Variants in PRKCSH observed in about 807,000 individuals in gnomAD.
PRKCSH encodes the protein glucosidase 2 subunit beta.
In PRKCSH, 42 loss-of-function variants were observed where a neutral mutation model predicts 79.7. The ratio of observed to expected loss-of-function variants is 0.53; its 90% CI spans 0.41 to 0.68. The LOEUF is 0.68. Among genes scored for constraint, PRKCSH ranks in the 30% least tolerant of loss-of-function variants. The pLI is 0.00. For synonymous variants in PRKCSH, 325 were observed against 288.2 expected, an observed-to-expected ratio of 1.13 and a Z score of -1.29; for missense variants, 686 against 709.0, an observed-to-expected ratio of 0.97 and a Z score of 0.37.
chr19:11,449,568 A>C lies in PRKCSH; in HGVS notation c.*16+140A>C. The C allele has an allele frequency of 4.2e-6, 5 of 1,186,596 alleles. No homozygotes were observed. The highest frequency in any genetic ancestry group is 5.9e-6 in the Non-Finnish European group (5 of 844,536). 73.5% of individuals were successfully genotyped at this position (1,186,596 alleles called of 1,614,324 possible). A position where few individuals can be genotyped will look rare whatever the true frequency, so the allele number is the denominator to read the frequency against. On this transcript the variant is annotated intron_variant, in intron 17 of 17. Coordinates refer to ENST00000677123, the MANE Select transcript of PRKCSH (RefSeq NM_001289104.2). The surrounding 1 kb of genome is among the most constrained non-coding windows in gnomAD (Gnocchi z 6.4). ...TTTTTGTTTTGTTTTTTTGAGGTGGAGTCTCACTCTTTGGCCCAGGCTGGA... is the reference window on the plus strand; with the variant it reads ...TTTTTGTTTTGTTTTTTTGAGGTGGCGTCTCACTCTTTGGCCCAGGCTGGA...
At chr19:11,441,407 CAT>C (rs748986883) in intron 6 of PRKCSH, 50 bp downstream of exon 6, 1 of 1,564,378 alleles carries the variant, frequency 6.4e-7, no homozygotes, top group South Asian at 1.1e-5. Flanking sequence ...CTTGAGGCCT[CAT>C]AGTGTGGGCT....
At chr19:11,437,033 CTTTGG>C (rs1379269037) in intron 3 of PRKCSH, among the ~76,000 whole-genome samples, 1 of 147,026 alleles carries the variant, frequency 6.8e-6, no homozygotes, top group African/African-American at 2.5e-5. Flanking sequence ...GAGACCGTGT[CTTTGG>C]TTTTGTTTTT....
rs1970525703 is a variant in PRKCSH at position 11,449,980 on chromosome 19, G to T, written c.*16+552G>T. The T allele has an allele frequency of 6.2e-6, 1 of 161,836 alleles. No homozygotes were observed. Among genetic ancestry groups the T allele is most frequent in the South Asian group, 1.6e-4 (1 of 6,130 alleles). 10.0% of individuals were successfully genotyped at this position (161,836 alleles called of 1,614,324 possible). A position where few individuals can be genotyped will look rare whatever the true frequency, so the allele number is the denominator to read the frequency against. On this transcript the variant is annotated intron_variant, in intron 17 of 17. Transcript: ENST00000677123. The surrounding 1 kb of genome is among the most constrained non-coding windows in gnomAD (Gnocchi z 6.4). ...CTGCCTCAGCCTCCTGAGTAATTGG[G>T]ACTACAGGCGCCGCCACCACGCCTG...
Position 11,448,532 on chromosome 19 carries a change from C to T in PRKCSH, c.1197-8C>T. 1.2e-6 allele frequency: 2 copies of T among 1,613,516 alleles called. No homozygotes were observed. Among genetic ancestry groups the T allele is most frequent in the Non-Finnish European group, 1.7e-6 (2 of 1,179,358 alleles). ...GCTGCCCCTTAACCGCTCCGCCTCCCCTTCCAGGAACCTGGAGCAAGAGAT... is the reference window on the plus strand; with the variant it reads ...GCTGCCCCTTAACCGCTCCGCCTCCTCTTCCAGGAACCTGGAGCAAGAGAT... On this transcript the variant is annotated splice_region_variant and splice_polypyrimidine_tract_variant and intron_variant, in intron 13 of 17. Coordinates refer to ENST00000677123, the MANE Select transcript of PRKCSH (RefSeq NM_001289104.2). This position sits in a 1 kb window ranked among gnomAD's most constrained non-coding sequence, Gnocchi z 4.4.
Position 11,436,152 on chromosome 19 carries a change from G to A in PRKCSH, c.35G>A (p.Cys12Tyr). The A allele has an allele frequency of 6.2e-7, 1 of 1,604,604 alleles. No homozygotes were observed. The highest frequency in any genetic ancestry group is 8.5e-7 in the Non-Finnish European group (1 of 1,177,152). The change falls in exon 2 of 18, where the codon TGC becomes TAC. Residue 12 changes from cysteine (C) to tyrosine (Y), a missense_variant. This residue lies in a region of PRKCSH where 549 missense variants were observed against 520.2 expected (regional missense o/e 1.06). Transcript: ENST00000677123. The part of the protein sequence containing the change: ...LLPLLLLLPM[C>Y]WAVEVKRPRG... Reference sequence around the variant, plus strand: ...CCGCTGCTGCTGCTGCTACCCATGTGCTGGGCCGTGGAGGTCAAGAGGCCC... The same window carrying A: ...CCGCTGCTGCTGCTGCTACCCATGTACTGGGCCGTGGAGGTCAAGAGGCCC...
chr19:11,442,999 C>T (rs543679663), intron 7 of PRKCSH, among the ~76,000 whole-genome samples: 22 of 152,258 alleles, frequency 1.4e-4, no homozygotes, highest in African/African-American at 3.8e-4. Flanking sequence ...CCACCTCGCC[C>T]GGCCGCCTAC....
intron 8 of PRKCSH, chr19:11,445,812 T>G: frequency 2.2e-6 from 1 of 464,052 alleles, no homozygotes; most frequent in Non-Finnish European, 4.0e-6. Flanking sequence ...GCTGTGCCTC[T>G]GAGCTTGCTG....
intron 5 of PRKCSH, among the ~76,000 whole-genome samples, chr19:11,438,957 G>C (rs1453993638): frequency 6.6e-6 from 1 of 151,560 alleles, no homozygotes; most frequent in Non-Finnish European, 1.5e-5. Context: ...GCCCAGGCTG[G>C]AGTGCAGTGG....
intron 3 of PRKCSH, 102 bp from the exon 4 acceptor site, chr19:11,437,774 G>C (rs1279710742): frequency 2.0e-6 from 2 of 1,005,628 alleles, no homozygotes; most frequent in African/African-American, 3.2e-5. Flanking sequence ...TTCCTTTCTT[G>C]TGCTGTGTGC....
At chr19:11,437,760 T>TC in intron 3 of PRKCSH, 116 bp from the exon 4 acceptor site, 2 of 944,968 alleles carry the variant, frequency 2.1e-6, no homozygotes, top group Non-Finnish European at 3.5e-6. Flanking sequence ...TCCTTTGGTT[T>TC]CCTTTCCTTT....
At position 11,442,391 on chromosome 19, in the gene PRKCSH, G is replaced by T. The variant is rs1430902539; in HGVS notation, c.474G>T (p.Lys158Asn). Reference protein sequence around the residue: ...WKKAREEKQKKLIELQAGKKS... With the variant: ...WKKAREEKQKNLIELQAGKKS... Reference sequence around the variant, plus strand: ...CTTGCCTTCTGCCCACCCAGAAAAAGCTCATTGAGCTACAGGCTGGGAAGA... The same window carrying T: ...CTTGCCTTCTGCCCACCCAGAAAAATCTCATTGAGCTACAGGCTGGGAAGA... The change falls in exon 7 of 18, where the codon AAG (lysine) becomes AAT (asparagine). Residue 158 changes from lysine (K) to asparagine (N), a missense_variant. Coordinates refer to ENST00000677123, the MANE Select transcript of PRKCSH (RefSeq NM_001289104.2). 2 of 1,600,906 alleles carry T rather than the reference G, an allele frequency of 1.2e-6. No individual in the cohort carries two copies. Among genetic ancestry groups the T allele is most frequent in the Non-Finnish European group, 1.7e-6 (2 of 1,173,642 alleles).
intron 17 of PRKCSH, chr19:11,450,431 C>A (rs1259972417): frequency 6.6e-6 from 1 of 151,730 alleles, no homozygotes; most frequent in Admixed American, 6.6e-5. Flanking sequence ...GAGCCAAGAT[C>A]ATGCTACTGC....
rs979006476 is a variant in PRKCSH at position 11,435,716 on chromosome 19, A to C, written c.-78+10A>C. 7.5e-7 allele frequency: 1 copy of C among 1,326,752 alleles called. No individual in the cohort carries two copies. The highest frequency in any genetic ancestry group is 9.9e-7 in the Non-Finnish European group (1 of 1,014,356). 82.2% of individuals were successfully genotyped at this position (1,326,752 alleles called of 1,614,324 possible). ...TTTGCTCCGGCCTCGTGTAGGTGTG[A>C]ACGAGCGGGTGGGAGGGCACCTCAG... On this transcript the variant is annotated intron_variant, in intron 1 of 17. Coordinates refer to ENST00000677123, the MANE Select transcript of PRKCSH (RefSeq NM_001289104.2).
rs764391936 is a variant in PRKCSH at position 11,449,231 on chromosome 19, C to G, written c.1462-35C>G. Reference sequence around the variant, plus strand: ...CGGGGAGACCCAGGCCTGGCCCAGCCGAACCCTCTCGAGCACCCGTCTGCC... The same window carrying G: ...CGGGGAGACCCAGGCCTGGCCCAGCGGAACCCTCTCGAGCACCCGTCTGCC... On this transcript the variant is annotated intron_variant, in intron 16 of 17. Coordinates refer to ENST00000677123, the MANE Select transcript of PRKCSH (RefSeq NM_001289104.2). The surrounding 1 kb of genome is among the most constrained non-coding windows in gnomAD (Gnocchi z 6.4). 7 of 1,613,442 alleles carry G rather than the reference C, an allele frequency of 4.3e-6. No homozygotes were observed. The highest frequency in any genetic ancestry group is 5.1e-6 in the Non-Finnish European group (6 of 1,179,940).
rs1970378797 is a variant in PRKCSH, at chr19:11,447,606, G to A, written c.1017G>A (p.Gly339=). 9 of 1,588,892 alleles carry A rather than the reference G, an allele frequency of 5.7e-6. No homozygotes were observed. Among genetic ancestry groups the A allele is most frequent in the Non-Finnish European group, 6.8e-6 (8 of 1,168,042 alleles). The change falls in exon 11 of 18, where the codon GGG becomes GGA. Residue 339 remains glycine, a synonymous_variant. Transcript: ENST00000677123. This position sits in a 1 kb window ranked among gnomAD's most constrained non-coding sequence, Gnocchi z 5.6. ...EEEEEDSEVQ[G]EQPKEAPPPL... Reference sequence around the variant, plus strand: ...AGGAGGAGGATTCCGAGGTGCAGGGGGAGCAGCCCAAGGTCCGTGTTTGGG... The same window carrying A: ...AGGAGGAGGATTCCGAGGTGCAGGGAGAGCAGCCCAAGGTCCGTGTTTGGG...
At position 11,437,733 on chromosome 19, in the gene PRKCSH, G is replaced by A. The variant is rs924911999; in HGVS notation, c.197-143G>A. On this transcript the variant is annotated intron_variant, in intron 3 of 17. Transcript: ENST00000677123. ...CTTTATTTCGAGCCCTGGCTGTGCA[G>A]TGTACAACTCTTTCCTTCCTTTGGT... 4.4e-5 allele frequency: 35 copies of A among 786,718 alleles called. No individual in the cohort carries two copies. The African/African-American group carries it at 5.2e-4, about 12-fold the overall frequency. The allele number at this position is 786,718 out of a possible 1,614,324, so 48.7% of individuals were successfully genotyped here.
In PRKCSH at chr19:11,436,202, T is replaced by TCCTCCTGTTCAC. The variant is rs146514973; in HGVS notation, c.79+12_79+23dup. 7,242 of 1,474,422 alleles carry TCCTCCTGTTCAC rather than the reference T, an allele frequency of 4.9e-3. 344 individuals carry two copies. The African/African-American group carries it at 0.089, about 18-fold the overall frequency. The allele number at this position is 1,474,422 out of a possible 1,614,324, so 91.3% of individuals were successfully genotyped here. ...CCGGGGCGTCTCCCTCACCAGTGAG[T>TCCTCCTGTTCAC]CCTCCTGTTCACCCTCCCGCCAGGC... On this transcript the variant is annotated splice_region_variant and intron_variant, in intron 2 of 17. Coordinates refer to ENST00000677123, the MANE Select transcript of PRKCSH (RefSeq NM_001289104.2).
chr19:11,439,255 T>A (rs1969931985), intron 5 of PRKCSH, among the ~76,000 whole-genome samples: 1 of 152,008 alleles, frequency 6.6e-6, no homozygotes, highest in Non-Finnish European at 1.5e-5. Flanking sequence ...GTTGCGACCT[T>A]GGCGCATTAC....
In PRKCSH at chr19:11,448,164, G is replaced by GT; in HGVS notation, c.1127-56dup. 1 of 1,497,082 alleles carries GT rather than the reference G, an allele frequency of 6.7e-7. No homozygotes were observed. The highest frequency in any genetic ancestry group is 9.1e-7 in the Non-Finnish European group (1 of 1,098,054). The allele number at this position is 1,497,082 out of a possible 1,614,324, so 92.7% of individuals were successfully genotyped here. On this transcript the variant is annotated intron_variant, in intron 12 of 17. Transcript: ENST00000677123. This position sits in a 1 kb window ranked among gnomAD's most constrained non-coding sequence, Gnocchi z 4.4. ...CACACAGCCACATCCATGGAACCCC[G>GT]TTCCCCATCCTCCTGGATGGGGTTG...
Sources: allele counts gnomAD v4.1 joint callset (sites outside exome capture counted in the v4.1 genomes callset), GRCh38; gene constraint gnomAD v4.1.1; regional missense constraint gnomAD v4.1.1; non-coding constraint Gnocchi (gnomAD v3.1); transcripts MANE v1.5; gene names NCBI Gene and HGNC (gene_info 2026-07-23, HGNC 2026-07-21).